CASP5: variants seen among roughly 807,000 people sequenced by gnomAD.
The protein encoded by CASP5 is caspase 5, also known as caspase-5.
CASP5 carries 42 observed loss-of-function variants against 45.2 expected under a neutral mutation model. That is an observed-to-expected ratio of 0.93 (90% CI 0.73 to 1.20). CASP5 has a LOEUF of 1.20. Among genes scored for constraint, CASP5 ranks in the 50% most tolerant of loss-of-function variants. CASP5 has a pLI of 0.00. For missense variants in CASP5, 512 were observed against 532.2 expected (o/e 0.96, Z 0.37); for synonymous variants, 209 against 186.2 (o/e 1.12, Z -1.00).
intron 7 of CASP5, 58 bp from the exon 8 acceptor site, chr11:104,997,550 T>C: frequency 1.8e-6 from 2 of 1,142,556 alleles, no homozygotes; most frequent in East Asian, 2.4e-5. Context: ...TTTTTGTTTA[T>C]ATTTTTGTTT....
At position 105,004,828 on chromosome 11, in the gene CASP5, C is replaced by A. The variant is rs1172232640; in HGVS notation, c.434-1445G>T. On this transcript the variant is annotated intron_variant, in intron 3 of 9. Transcript: ENST00000260315. ...TGACAGATGCTTTTTCTTCTCATTT[C>A]AGAAAAGTCTGCCAATGTGAAGACA... Among the ~76,000 whole-genome samples the A allele has an allele frequency of 3.3e-5, 5 of 152,058 alleles. No homozygotes were observed. The East Asian group carries it at 9.6e-4, about 29-fold the overall frequency.
intron 1 of CASP5, among the ~76,000 whole-genome samples, chr11:105,021,097 G>T (rs1591182239): frequency 6.6e-6 from 1 of 151,948 alleles, no homozygotes; most frequent in African/African-American, 2.4e-5. Flanking sequence ...GGGAAAACTG[G>T]CTAGCCATAT....
chr11:105,008,637 C>T (rs1862120696), intron 2 of CASP5, among the ~76,000 whole-genome samples, 170 bp downstream of exon 2: 1 of 151,938 alleles, frequency 6.6e-6, no homozygotes. Context: ...AACTGGATCC[C>T]ACCCCACAAA....
At chr11:105,011,551 C>T (rs998877878) in intron 1 of CASP5, among the ~76,000 whole-genome samples, 1 of 151,452 alleles carries the variant, frequency 6.6e-6, no homozygotes, top group African/African-American at 2.4e-5. Context: ...TTAAGAAAAC[C>T]CTAAATGCTC....
rs1861362021 is a variant in CASP5, at chr11:104,994,343, G to A, written c.*9C>T. 6.6e-6 allele frequency: 1 copy of A among 152,258 alleles called. No individual in the cohort carries two copies. The highest frequency in any genetic ancestry group is 1.5e-5 in the Non-Finnish European group (1 of 68,108). 9.4% of individuals were successfully genotyped at this position (152,258 alleles called of 1,614,324 possible). A position where few individuals can be genotyped will look rare whatever the true frequency, so the allele number is the denominator to read the frequency against. On this transcript the variant is annotated 3_prime_UTR_variant, in exon 10 of 10. Transcript: ENST00000260315. ...ACAGAGGAGGGCTGGGCTGCCTGTGGTTTCCTGCAGAAGAGAGAAAGGACA... is the reference window on the plus strand; with the variant it reads ...ACAGAGGAGGGCTGGGCTGCCTGTGATTTCCTGCAGAAGAGAGAAAGGACA...
At chr11:105,014,382 G>T (rs1336573973) in intron 1 of CASP5, among the ~76,000 whole-genome samples, 1 of 151,852 alleles carries the variant, frequency 6.6e-6, no homozygotes, top group Non-Finnish European at 1.5e-5. Flanking sequence ...TTTCTCTTTA[G>T]GGTAGCATAG....
intron 1 of CASP5, among the ~76,000 whole-genome samples, chr11:105,015,218 G>T (rs959615394): frequency 6.6e-6 from 1 of 152,216 alleles, no homozygotes; most frequent in South Asian, 2.1e-4. Context: ...TAGACCAAAA[G>T]AAAATTTCGT....
In CASP5 at chr11:105,002,057, C is replaced by T; in HGVS notation, c.688G>A (p.Val230Met). ...KRLLQGLGYT[V>M]VDEKNLTARD... ...GCTGTGAGATTCTTTTCGTCAACCA[C>T]AGTGTAGCCCAGGCCTTGAAGCAGC... Residue 230 changes from valine (V) to methionine (M), a missense_variant, in exon 5 of 10, where the codon GTG (valine) becomes ATG (methionine). Physicochemically the swap from Val to Met is conservative, Grantham distance 21 (BLOSUM62 1). Transcript: ENST00000260315. The T allele has an allele frequency of 1.9e-6, 3 of 1,614,094 alleles. No homozygotes were observed. The highest frequency in any genetic ancestry group is 2.5e-6 in the Non-Finnish European group (3 of 1,180,008).
chr11:105,021,998 A>G (rs1447845569), intron 1 of CASP5, among the ~76,000 whole-genome samples: 2 of 151,372 alleles, frequency 1.3e-5, no homozygotes, highest in East Asian at 1.9e-4. Context: ...TGATGAGTTC[A>G]TGTCCTTTGT....
chr11:105,006,656 G>T (rs1484354784), intron 3 of CASP5, among the ~76,000 whole-genome samples: 1 of 152,136 alleles, frequency 6.6e-6, no homozygotes, highest in Non-Finnish European at 1.5e-5. Context: ...GTTGGCATGT[G>T]GTGCCTGGCA....
intron 3 of CASP5, 64 bp downstream of exon 3, chr11:105,007,019 G>A (rs1434334995): frequency 3.0e-6 from 4 of 1,344,088 alleles, no homozygotes; most frequent in Non-Finnish European, 3.1e-6. Context: ...AACACTGCAT[G>A]GGCCTTGGAG....
chr11:105,005,342 G>A (rs1245356893), intron 3 of CASP5, among the ~76,000 whole-genome samples: 1 of 133,734 alleles, frequency 7.5e-6, no homozygotes, highest in African/African-American at 3.3e-5. Context: ...TCGGTATATA[G>A]TGTGTATATA....
In CASP5 at chr11:104,999,801, T is replaced by C. The variant is rs540968895; in HGVS notation, c.952+460A>G. Among the ~76,000 whole-genome samples, 3 of 152,316 alleles carry C rather than the reference T, an allele frequency of 2.0e-5. No homozygotes were observed. In the East Asian group the frequency reaches 5.8e-4, roughly 29 times the overall value. ...AAAAGAGGGAGAGAGAAGATTGACT[T>C]AAATCCCCTCAAGTTTCCTTAACTC... On this transcript the variant is annotated intron_variant, in intron 6 of 9. Coordinates refer to ENST00000260315, the MANE Select transcript of CASP5 (RefSeq NM_004347.5).
chr11:105,005,838 G>T (rs1202486297), intron 3 of CASP5, among the ~76,000 whole-genome samples: 1 of 152,016 alleles, frequency 6.6e-6, no homozygotes, highest in Non-Finnish European at 1.5e-5. Context: ...TTTTCCTCAT[G>T]CCATTCCAGG....
chr11:105,012,718 C>T (rs1450294066), intron 1 of CASP5, among the ~76,000 whole-genome samples: 5 of 150,128 alleles, frequency 3.3e-5, no homozygotes, highest in Non-Finnish European at 7.4e-5. Context: ...TAATGCCTCA[C>T]ACCTGTTAGA....
At chr11:104,996,682 C>A (rs1453311360) in intron 8 of CASP5, among the ~76,000 whole-genome samples, 1 of 152,090 alleles carries the variant, frequency 6.6e-6, no homozygotes. Flanking sequence ...AGGTGCTGAG[C>A]AAATCCCCGC....
chr11:105,019,340 C>T (rs1862815125), intron 1 of CASP5, among the ~76,000 whole-genome samples: 1 of 150,154 alleles, frequency 6.7e-6, no homozygotes, highest in African/African-American at 2.4e-5. Flanking sequence ...ACACAAAAAA[C>T]CCTTCAAAAA....
chr11:105,003,424 T>TAGA, intron 3 of CASP5, 41 bp from the exon 4 acceptor site: 1 of 1,089,876 alleles, frequency 9.2e-7, no homozygotes, highest in Non-Finnish European at 1.4e-6. Flanking sequence ...TTTCTGCCTC[T>TAGA]GTGACCCAAT....
At chr11:104,994,508 G>T (rs1240720531) in intron 9 of CASP5, among the ~76,000 whole-genome samples, 161 bp from the exon 10 acceptor site, 1 of 152,144 alleles carries the variant, frequency 6.6e-6, no homozygotes, top group Non-Finnish European at 1.5e-5. Context: ...AAGTACTCAG[G>T]AATATCTTTG....
Sources: gnomAD v4.1 joint callset for allele counts (sites outside exome capture counted in the v4.1 genomes callset) on GRCh38, gnomAD v4.1.1 for gene constraint, MANE v1.5 for transcripts, NCBI Gene and HGNC (gene_info 2026-07-23, HGNC 2026-07-21) for gene names.